NRG1: variants seen among roughly 807,000 people sequenced by gnomAD.
NRG1 encodes the protein pro-neuregulin-1, membrane-bound isoform.
A neutral mutation model predicts 63.8 loss-of-function variants in NRG1; 18 were observed. The observed-to-expected ratio is 0.28, with a 90% CI of 0.19 to 0.42. NRG1 has a LOEUF of 0.42. NRG1 is among the 10% of genes least tolerant of loss of function. NRG1 has a pLI of 1.00. For synonymous variants in NRG1, 302 were observed against 301.3 expected, an observed-to-expected ratio of 1.00 and a Z score of -0.02; for missense variants, 762 against 814.7, an observed-to-expected ratio of 0.94 and a Z score of 0.79.
chr8:32,659,075 G>A (rs979245255), intron 5 of NRG1, among the ~76,000 whole-genome samples: 1 of 151,516 alleles, frequency 6.6e-6, no homozygotes, highest in African/African-American at 2.4e-5. Context: ...ATTCCTAGAT[G>A]TTTTATTTGT....
intron 1 of NRG1, among the ~76,000 whole-genome samples, chr8:32,203,482 T>C (rs1843705862): frequency 6.6e-6 from 1 of 152,052 alleles, no homozygotes; most frequent in African/African-American, 2.4e-5. Flanking sequence ...CAAGCAGTTC[T>C]CCTGCCTCAG....
At chr8:32,131,720 T>C (rs146920479) in intron 1 of NRG1, among the ~76,000 whole-genome samples, 1 of 152,178 alleles carries the variant, frequency 6.6e-6, no homozygotes, top group African/African-American at 2.4e-5. Flanking sequence ...CTTACTCCCA[T>C]GGATATTGGA....
intron 1 of NRG1, among the ~76,000 whole-genome samples, chr8:32,000,919 T>C (rs2129651979): frequency 6.6e-6 from 1 of 152,146 alleles, no homozygotes; most frequent in South Asian, 2.1e-4. Context: ...CCTTCATTGT[T>C]TTCACTATTA....
At chr8:32,712,171 C>T (rs1027270781) in intron 5 of NRG1, among the ~76,000 whole-genome samples, 6 of 152,152 alleles carry the variant, frequency 3.9e-5, no homozygotes, top group African/African-American at 1.4e-4. Flanking sequence ...GTGAAAGAAT[C>T]TAGACAGCCT....
chr8:32,514,835 G>A (rs927205781), intron 1 of NRG1, among the ~76,000 whole-genome samples: 1 of 151,626 alleles, frequency 6.6e-6, no homozygotes, highest in Non-Finnish European at 1.5e-5. Context: ...AAATAATGTC[G>A]ACTTTTGTTT....
intron 1 of NRG1, among the ~76,000 whole-genome samples, chr8:32,022,540 G>A (rs942934324): frequency 4.6e-5 from 7 of 152,126 alleles, no homozygotes; most frequent in Non-Finnish European, 1.0e-4. Flanking sequence ...TACAAGACAT[G>A]CAACTTATTC....
At chr8:31,972,426 G>A (rs2129629173) in intron 1 of NRG1, among the ~76,000 whole-genome samples, 1 of 152,244 alleles carries the variant, frequency 6.6e-6, no homozygotes, top group Non-Finnish European at 1.5e-5. Context: ...CTTGGCACTT[G>A]TTACTAACTG....
At chr8:31,781,971 C>G (rs2131617015) in intron 1 of NRG1, among the ~76,000 whole-genome samples, 1 of 152,280 alleles carries the variant, frequency 6.6e-6, no homozygotes, top group East Asian at 1.9e-4. Flanking sequence ...CTCCCCTCCA[C>G]TGAACCCACC....
intron 1 of NRG1, among the ~76,000 whole-genome samples, chr8:32,379,065 T>A (rs530998610): frequency 3.3e-5 from 4 of 121,768 alleles, no homozygotes; most frequent in Non-Finnish European, 6.9e-5. Flanking sequence ...TTGTGAATAG[T>A]GCCGCAATAA....
intron 1 of NRG1, among the ~76,000 whole-genome samples, chr8:31,818,620 C>A (rs1705848971): frequency 6.6e-6 from 1 of 152,114 alleles, no homozygotes; most frequent in African/African-American, 2.4e-5. Context: ...TCTAATGCTG[C>A]CACTGATTTA....
At chr8:31,923,628 T>A (rs1483511562) in intron 1 of NRG1, among the ~76,000 whole-genome samples, 1 of 152,216 alleles carries the variant, frequency 6.6e-6, no homozygotes, top group Admixed American at 6.5e-5. Context: ...TTTATTTATT[T>A]AAAAGATTTA....
At chr8:31,956,308 G>A (rs1804399629) in intron 1 of NRG1, among the ~76,000 whole-genome samples, 1 of 152,098 alleles carries the variant, frequency 6.6e-6, no homozygotes, top group African/African-American at 2.4e-5. Context: ...TAAGTGGGAA[G>A]AAAAGGAGGG....
intron 1 of NRG1, among the ~76,000 whole-genome samples, chr8:31,956,767 T>C (rs1804509361): frequency 1.3e-5 from 2 of 152,236 alleles, no homozygotes; most frequent in South Asian, 4.1e-4. Context: ...CTCTATGACA[T>C]AGGTCCCCAT....
At chr8:31,853,691 G>A (rs1234642863) in intron 1 of NRG1, among the ~76,000 whole-genome samples, 9 of 150,804 alleles carry the variant, frequency 6.0e-5, no homozygotes, top group Admixed American at 6.6e-5. Context: ...TCTTGTGCCA[G>A]TTTTCAAAGG....
chr8:32,560,558 A>G (rs563882511), intron 1 of NRG1, among the ~76,000 whole-genome samples: 1 of 152,326 alleles, frequency 6.6e-6, no homozygotes, highest in East Asian at 1.9e-4. Context: ...GTAGCAGTTT[A>G]GTTATTATGC....
chr8:32,515,381 G>A (rs998468107), intron 1 of NRG1, among the ~76,000 whole-genome samples: 5 of 152,098 alleles, frequency 3.3e-5, no homozygotes, highest in African/African-American at 9.6e-5. Flanking sequence ...TTTTTCATAC[G>A]TTTGGTAGCT....
intron 1 of NRG1, among the ~76,000 whole-genome samples, chr8:32,346,822 C>A (rs538306024): frequency 2.3e-4 from 35 of 151,878 alleles, no homozygotes; most frequent in Non-Finnish European, 4.6e-4. Context: ...TCACCTCAAG[C>A]ATTTATCTTA....
At chr8:32,269,431 AT>A (rs1219480338) in intron 1 of NRG1, among the ~76,000 whole-genome samples, 1 of 152,136 alleles carries the variant, frequency 6.6e-6, no homozygotes, top group Non-Finnish European at 1.5e-5. Flanking sequence ...CCTGCCAACG[AT>A]TCTTATTAAC....
chr8:32,465,203 T>A (rs1334994965), intron 1 of NRG1, among the ~76,000 whole-genome samples: 1 of 152,050 alleles, frequency 6.6e-6, no homozygotes, highest in East Asian at 1.9e-4. Context: ...AAACCAATAA[T>A]AGAAACTTTA....
Sources: allele counts gnomAD v4.1 joint callset (sites outside exome capture counted in the v4.1 genomes callset), GRCh38; gene constraint gnomAD v4.1.1; transcripts MANE v1.5; gene names NCBI Gene and HGNC (gene_info 2026-07-23, HGNC 2026-07-21).